WDFY4: variants seen among roughly 807,000 people sequenced by gnomAD.
The protein encoded by WDFY4 is WDFY family member 4, also known as WD repeat- and FYVE domain-containing protein 4.
Under a neutral mutation model 351.9 loss-of-function variants are expected in WDFY4, and 169 were observed. The observed-to-expected ratio is 0.48, with a 90% CI of 0.42 to 0.55. The LOEUF is 0.55. Among genes scored for constraint, WDFY4 ranks in the 20% least tolerant of loss-of-function variants. WDFY4 has a pLI of 0.00. For synonymous variants in WDFY4, 1,622 were observed against 1,574.6 expected (o/e 1.03, Z -0.71); for missense variants, 3,803 against 3,935.6 (o/e 0.97, Z 0.90).
At position 48,966,590 on chromosome 10, in the gene WDFY4, C is replaced by T; in HGVS notation, c.8501C>T (p.Ser2834Phe). 1 of 1,552,092 alleles carries T rather than the reference C, an allele frequency of 6.4e-7. No individual in the cohort carries two copies. The highest frequency in any genetic ancestry group is 8.7e-7 in the Non-Finnish European group (1 of 1,147,066). ...AGKPLPGKDV[S>F]TPVSLPGHPQ... The stretch of plus-strand genomic sequence containing the variant: ...AAGCCTCTGCCTGGAAAGGATGTCT[C>T]CACCCCCGTGAGCCTGCCTGGCCAC... The change falls in exon 55 of 62, where the codon TCC (serine) becomes TTC (phenylalanine). Residue 2834 changes from serine to phenylalanine, a missense_variant. This residue lies in a region of WDFY4 where 3,054 missense variants were observed against 3,148.6 expected (regional missense o/e 0.97). Coordinates refer to ENST00000325239, the MANE Select transcript of WDFY4 (RefSeq NM_001394531.1).
chr10:48,934,863 C>T (rs181669144), intron 47 of WDFY4, among the ~76,000 whole-genome samples: 4 of 152,264 alleles, frequency 2.6e-5, no homozygotes, highest in Admixed American at 2.0e-4. Flanking sequence ...GAGAGGATCC[C>T]GTGTGATCCC....
At chr10:48,862,770 G>T (rs1165641008) in intron 39 of WDFY4, among the ~76,000 whole-genome samples, 1 of 152,036 alleles carries the variant, frequency 6.6e-6, no homozygotes, top group African/African-American at 2.4e-5. Flanking sequence ...GAGAACTGCT[G>T]GTTTATAGTA....
chr10:48,699,974 AGACTTACT>A (rs1240572165), intron 1 of WDFY4, among the ~76,000 whole-genome samples: 1 of 152,204 alleles, frequency 6.6e-6, no homozygotes, highest in Non-Finnish European at 1.5e-5. Context: ...GACCCACCCC[AGACTTACT>A]GACTTGTAAA....
At chr10:48,818,501 C>A (rs893502513) in intron 32 of WDFY4, among the ~76,000 whole-genome samples, 5 of 152,178 alleles carry the variant, frequency 3.3e-5, no homozygotes, top group African/African-American at 7.2e-5. Context: ...GGCAAAGTGG[C>A]ACTCACCAGT....
At chr10:48,713,693 A>T (rs2063825012) in intron 2 of WDFY4, among the ~76,000 whole-genome samples, 1 of 152,226 alleles carries the variant, frequency 6.6e-6, no homozygotes, top group African/African-American at 2.4e-5. Flanking sequence ...CTCCTCACCT[A>T]GGGTTCCTCA....
Position 48,736,004 on chromosome 10 carries a change from C to T in WDFY4, c.1812C>T (p.Ser604=). Reference sequence around the variant, plus strand: ...CCATCAACGCCGAGGAGTACATGAGCATCATTGTGGGTGCTCTATGCTCAT... The same window carrying T: ...CCATCAACGCCGAGGAGTACATGAGTATCATTGTGGGTGCTCTATGCTCAT... ...LSAINAEEYM[S]IIVGALCSST... is the part of the protein sequence containing the mutation. Residue 604 remains serine (S), a synonymous_variant, in exon 11 of 62, where the codon AGC becomes AGT. Coordinates refer to ENST00000325239, the MANE Select transcript of WDFY4 (RefSeq NM_001394531.1). The T allele has an allele frequency of 5.2e-6, 8 of 1,551,900 alleles. No individual in the cohort carries two copies. The highest frequency in any genetic ancestry group is 7.0e-6 in the Non-Finnish European group (8 of 1,147,052).
intron 13 of WDFY4, among the ~76,000 whole-genome samples, chr10:48,769,561 T>G (rs1235115758): frequency 6.6e-6 from 1 of 152,202 alleles, no homozygotes; most frequent in South Asian, 2.1e-4. Context: ...AAGCCCCTAG[T>G]GCTTTCAGAG....
chr10:48,733,711 T>C (rs1053564725), intron 9 of WDFY4, among the ~76,000 whole-genome samples: 27 of 152,304 alleles, frequency 1.8e-4, no homozygotes, highest in African/African-American at 6.5e-4. Context: ...GCTCCGGGTT[T>C]TAACAAAATA....
intron 13 of WDFY4, 81 bp from the exon 14 acceptor site, chr10:48,774,377 C>T: frequency 6.9e-7 from 1 of 1,444,884 alleles, no homozygotes; most frequent in Admixed American, 2.0e-5. Flanking sequence ...CAACTCACCC[C>T]AGGCCAAGTT....
intron 41 of WDFY4, 92 bp downstream of exon 41, chr10:48,873,789 T>A: frequency 7.2e-7 from 1 of 1,386,948 alleles, no homozygotes; most frequent in Non-Finnish European, 9.8e-7. Context: ...GTTGTTTATA[T>A]CAGGCTAAGA....
chr10:48,870,932 A>G (rs1389407970), intron 40 of WDFY4, among the ~76,000 whole-genome samples: 1 of 137,968 alleles, frequency 7.2e-6, no homozygotes, highest in African/African-American at 2.8e-5. Context: ...CTTGGGGTGG[A>G]TATGCGTTCT....
At position 48,810,656 on chromosome 10, in the gene WDFY4, C is replaced by A; in HGVS notation, c.4965C>A (p.Ser1655=). 1 of 1,551,714 alleles carries A rather than the reference C, an allele frequency of 6.4e-7. No homozygotes were observed. Among genetic ancestry groups the A allele is most frequent in the Non-Finnish European group, 8.7e-7 (1 of 1,146,994 alleles). The change falls in exon 29 of 62, where the codon TCC becomes TCA. Residue 1655 remains serine (S), a synonymous_variant. Coordinates refer to ENST00000325239, the MANE Select transcript of WDFY4 (RefSeq NM_001394531.1). ...KLLLYFLASP[S]LRTRFRDGLC... is the part of the protein sequence containing the mutation. The stretch of plus-strand genomic sequence containing the variant: ...TGCTGTACTTTCTGGCAAGCCCCTC[C>A]CTCCGCACACGGTTTAGAGATGGCC...
In WDFY4 at chr10:48,969,144, G is replaced by T. The variant is rs762090955; in HGVS notation, c.8665G>T (p.Ala2889Ser). ...HIVSTEKTILAVERNKVLLPP... is the reference protein window; with the variant it reads ...HIVSTEKTILSVERNKVLLPP... ...TGTCTCTACTGAGAAGACCATTCTG[G>T]CTGTAGAGAGGAACAAAGTGCTGCT... Residue 2889 changes from alanine to serine, a missense_variant, in exon 56 of 62, where the codon GCT becomes TCT. Ala to Ser is a moderately conservative substitution (Grantham distance 99). Around this residue, in one of 3 missense-constraint regions of WDFY4, gnomAD observed 3,054 missense variants for 3,148.6 expected, o/e 0.97. Coordinates refer to ENST00000325239, the MANE Select transcript of WDFY4 (RefSeq NM_001394531.1). The T allele has an allele frequency of 6.4e-7, 1 of 1,551,774 alleles. No homozygotes were observed. Among genetic ancestry groups the T allele is most frequent in the South Asian group, 1.2e-5 (1 of 84,066 alleles).
chr10:48,837,572 G>C (rs1228966451), intron 39 of WDFY4, among the ~76,000 whole-genome samples: 1 of 152,176 alleles, frequency 6.6e-6, no homozygotes, highest in Non-Finnish European at 1.5e-5. Flanking sequence ...AGAAAATTCT[G>C]TTCAAGTGAG....
intron 51 of WDFY4, among the ~76,000 whole-genome samples, chr10:48,956,874 G>A (rs1047043562): frequency 2.0e-5 from 3 of 152,206 alleles, no homozygotes; most frequent in African/African-American, 7.2e-5. Context: ...TCCATAGGAG[G>A]GAAACATGGA....
At chr10:48,824,735 G>A (rs11101522) in intron 35 of WDFY4, among the ~76,000 whole-genome samples, 16,656 of 152,132 alleles carry the variant, frequency 0.11, 993 homozygotes, top group South Asian at 0.16. Context: ...GAAATCCTGG[G>A]CTCAAGCAAT....
intron 12 of WDFY4, among the ~76,000 whole-genome samples, chr10:48,751,659 C>T (rs984040117): frequency 5.3e-5 from 8 of 152,166 alleles, no homozygotes; most frequent in Non-Finnish European, 7.4e-5. Context: ...AATGAGGCCG[C>T]TTTGCTTTTA....
At chr10:48,718,939 G>A (rs1479061838) in intron 2 of WDFY4, among the ~76,000 whole-genome samples, 1 of 152,122 alleles carries the variant, frequency 6.6e-6, no homozygotes, top group Non-Finnish European at 1.5e-5. Context: ...TGCAGAAAAA[G>A]GTGATCAGGT....
At chr10:48,705,428 CT>C (rs769202756) in intron 1 of WDFY4, among the ~76,000 whole-genome samples, 71 of 152,286 alleles carry the variant, frequency 4.7e-4, no homozygotes, top group South Asian at 1.7e-3. Flanking sequence ...CGATGGGTCC[CT>C]TTTCACCCTG....
Sources: allele counts gnomAD v4.1 joint callset (sites outside exome capture counted in the v4.1 genomes callset), GRCh38; gene constraint gnomAD v4.1.1; regional missense constraint gnomAD v4.1.1; transcripts MANE v1.5; gene names NCBI Gene and HGNC (gene_info 2026-07-23, HGNC 2026-07-21).